The following EBF1 variants were observed in gnomAD, a reference collection of about 807,000 sequenced individuals.
EBF1 encodes the protein transcription factor COE1.
Under a neutral mutation model 68.4 loss-of-function variants are expected in EBF1, and 10 were observed. That is an observed-to-expected ratio of 0.15 (90% CI 0.09 to 0.25). The LOEUF (loss-of-function observed/expected upper bound fraction) is 0.25, where lower values mean the gene tolerates loss of function less well. Ranked by LOEUF, EBF1 falls within the 10% of genes least tolerant of loss-of-function variation. The probability of loss-of-function intolerance (pLI) is 1.00; values close to 1 mark genes in which losing one functional copy is unlikely to be tolerated. For missense variants in EBF1, 509 were observed against 794.4 expected, an observed-to-expected ratio of 0.64 and a Z score of 4.32; for synonymous variants, 298 against 299.8, an observed-to-expected ratio of 0.99 and a Z score of 0.06.
chr5:158,711,339 T>TAA (rs1759227073), intron 14 of EBF1, among the ~76,000 whole-genome samples: 1 of 152,228 alleles, frequency 6.6e-6, no homozygotes. Flanking sequence ...GGTTTTAGAC[T>TAA]ATTGTTACTA....
chr5:158,978,797 TACACACACACAC>T lies in EBF1; in HGVS notation c.554+94587_554+94598del, dbSNP rs57930371. Among the ~76,000 whole-genome samples, 267 of 143,014 alleles carry T rather than the reference TACACACACACAC, an allele frequency of 1.9e-3. 1 individual carries two copies. The highest frequency in any genetic ancestry group is 3.6e-3 in the Middle Eastern group (1 of 274). 93.8% of individuals were successfully genotyped at this position (143,014 alleles called of 152,430 possible). A position where few individuals can be genotyped will look rare whatever the true frequency, so the allele number is the denominator to read the frequency against. ...TTGAAGATACACACACACACACACA[TACACACACACAC>T]ACACACACACACACACACACACACA... is the stretch of plus-strand genomic sequence containing the variant. On this transcript the variant is annotated intron_variant, in intron 6 of 15. Coordinates refer to ENST00000313708, the MANE Select transcript of EBF1 (RefSeq NM_024007.5).
intron 6 of EBF1, among the ~76,000 whole-genome samples, chr5:158,907,274 G>C (rs939558740): frequency 6.6e-6 from 1 of 152,216 alleles, no homozygotes; most frequent in African/African-American, 2.4e-5. Flanking sequence ...CATACTCACA[G>C]GGTGGCATTA....
At chr5:158,921,724 T>TATTAAGA (rs1197339909) in intron 6 of EBF1, among the ~76,000 whole-genome samples, 7 of 152,160 alleles carry the variant, frequency 4.6e-5, no homozygotes, top group Non-Finnish European at 8.8e-5. Context: ...TGTGGTTGCT[T>TATTAAGA]ATTTTTACTT....
At chr5:158,764,534 G>C (rs1393006328) in intron 10 of EBF1, among the ~76,000 whole-genome samples, 1 of 152,176 alleles carries the variant, frequency 6.6e-6, no homozygotes, top group Non-Finnish European at 1.5e-5. Flanking sequence ...GAATACACTG[G>C]TTGAGAAAGA....
rs549076663 is a variant in EBF1 at position 158,995,904 on chromosome 5, G to A, written c.554+77492C>T. 1.7e-3 allele frequency among the ~76,000 whole-genome samples: 265 copies of A among 152,246 alleles called. 2 individuals carry two copies. The highest frequency in any genetic ancestry group is 6.2e-3 in the African/African-American group (256 of 41,542). ...ATGCAATTTTATCACATGACGTGCA[G>A]AGCCCCCCAAAACATATTAGTGAAA... is the stretch of plus-strand genomic sequence containing the variant. On this transcript the variant is annotated intron_variant, in intron 6 of 15. Transcript: ENST00000313708.
chr5:159,099,293 C>T (rs1452102543), intron 1 of EBF1, 52 bp downstream of exon 1: 17 of 1,398,810 alleles, frequency 1.2e-5, no homozygotes, highest in South Asian at 1.8e-5. Flanking sequence ...CTCCGCCTCC[C>T]GGCTCTCCCG....
intron 6 of EBF1, among the ~76,000 whole-genome samples, chr5:158,901,624 A>G (rs1803357567): frequency 6.6e-6 from 1 of 152,250 alleles, no homozygotes; most frequent in African/African-American, 2.4e-5. Context: ...ATTATAGCTA[A>G]CATTTATTAA....
At chr5:158,735,083 G>A (rs956882715) in intron 10 of EBF1, among the ~76,000 whole-genome samples, 1 of 152,170 alleles carries the variant, frequency 6.6e-6, no homozygotes, top group Admixed American at 6.5e-5. Flanking sequence ...TGCTCAAGAA[G>A]AGGGGGTGGC....
intron 6 of EBF1, among the ~76,000 whole-genome samples, chr5:158,959,913 A>G (rs182522846): frequency 9.8e-4 from 149 of 152,332 alleles, no homozygotes; most frequent in African/African-American, 3.3e-3. Context: ...AGATCGACCA[A>G]TCAATGGAAC....
intron 6 of EBF1, among the ~76,000 whole-genome samples, chr5:158,887,856 T>C (rs998090324): frequency 6.6e-6 from 1 of 151,798 alleles, no homozygotes; most frequent in Non-Finnish European, 1.5e-5. Context: ...ATTCAAAGAG[T>C]GGGGGGAAAA....
intron 10 of EBF1, among the ~76,000 whole-genome samples, chr5:158,762,960 G>A (rs958075817): frequency 9.9e-5 from 15 of 152,050 alleles, no homozygotes; most frequent in African/African-American, 2.7e-4. Flanking sequence ...CGTTCCTGTC[G>A]GGCATCAAAC....
At chr5:158,784,279 C>G (rs986293457) in intron 9 of EBF1, among the ~76,000 whole-genome samples, 1 of 152,200 alleles carries the variant, frequency 6.6e-6, no homozygotes, top group Non-Finnish European at 1.5e-5. Context: ...GTCGGCCTGA[C>G]TAATGACCAT....
intron 7 of EBF1, among the ~76,000 whole-genome samples, chr5:158,830,377 TCTC>T (rs1213124372): frequency 6.6e-6 from 1 of 152,020 alleles, no homozygotes; most frequent in African/African-American, 2.4e-5. Flanking sequence ...TTCAAGTAAT[TCTC>T]CTGCCTCAGC....
At chr5:159,074,862 T>C (rs1436799250) in intron 5 of EBF1, among the ~76,000 whole-genome samples, 1 of 152,216 alleles carries the variant, frequency 6.6e-6, no homozygotes, top group Non-Finnish European at 1.5e-5. Flanking sequence ...TGAGTTCTGC[T>C]ATATACTGCT....
chr5:158,821,932 T>C (rs1784921298), intron 8 of EBF1, among the ~76,000 whole-genome samples: 1 of 152,216 alleles, frequency 6.6e-6, no homozygotes, highest in East Asian at 1.9e-4. Context: ...TACATCTGGC[T>C]AATTAATAAA....
intron 6 of EBF1, among the ~76,000 whole-genome samples, chr5:158,934,095 A>C (rs1811463806): frequency 6.6e-6 from 1 of 152,202 alleles, no homozygotes; most frequent in Non-Finnish European, 1.5e-5. Context: ...CCCATTACAC[A>C]CAGGCAAATG....
At chr5:158,746,425 C>T (rs1318164488) in intron 10 of EBF1, among the ~76,000 whole-genome samples, 3 of 152,106 alleles carry the variant, frequency 2.0e-5, no homozygotes, top group Non-Finnish European at 4.4e-5. Context: ...AGTTCAGAGG[C>T]ATCCCCAAAA....
intron 6 of EBF1, among the ~76,000 whole-genome samples, chr5:158,882,126 C>T (rs1799017465): frequency 6.6e-6 from 1 of 152,174 alleles, no homozygotes; most frequent in African/African-American, 2.4e-5. Flanking sequence ...TCAGCTATGA[C>T]ATTATTAACC....
chr5:158,917,675 T>G (rs1807512026), intron 6 of EBF1, among the ~76,000 whole-genome samples: 1 of 152,170 alleles, frequency 6.6e-6, no homozygotes, highest in Non-Finnish European at 1.5e-5. Flanking sequence ...AAACAGTGAA[T>G]AGACTTCTTC....
Sources: gnomAD v4.1 joint callset for allele counts (sites outside exome capture counted in the v4.1 genomes callset) on GRCh38, gnomAD v4.1.1 for gene constraint, MANE v1.5 for transcripts, NCBI Gene and HGNC (gene_info 2026-07-23, HGNC 2026-07-21) for gene names.